The following TET2 variants were observed in gnomAD, a reference collection of about 807,000 sequenced individuals.
TET2 encodes tet methylcytosine dioxygenase 2, also known as methylcytosine dioxygenase TET2.
Under a neutral mutation model 142.9 loss-of-function variants are expected in TET2, and 299 were observed. The observed-to-expected ratio is 2.09, with a 90% CI of 1.90 to 2.30. The LOEUF is 2.30. Ranked by LOEUF, TET2 falls within the 30% of genes most tolerant of loss-of-function variation. TET2 has a pLI of 0.00. For synonymous variants in TET2, 819 were observed against 849.0 expected (o/e 0.96, Z 0.61); for missense variants, 2,418 against 2,378.0 (o/e 1.02, Z -0.35).
chr4:105,157,504 A>G (rs182599666), intron 1 of TET2, among the ~76,000 whole-genome samples: 299 of 152,268 alleles, frequency 2.0e-3, no homozygotes, highest in African/African-American at 6.9e-3. Flanking sequence ...TTAATTTTGC[A>G]GTTGTCTGCC....
chr4:105,243,738 T>TAC lies in TET2; in HGVS notation c.3764_3765dup (p.Gly1256ThrfsTer11). 1 of 1,551,226 alleles carries TAC rather than the reference T, an allele frequency of 6.4e-7. No individual in the cohort carries two copies. The highest frequency in any genetic ancestry group is 8.7e-7 in the Non-Finnish European group (1 of 1,146,790). On this transcript the variant is annotated frameshift_variant, in exon 6 of 11. Coordinates refer to ENST00000380013, the MANE Select transcript of TET2 (RefSeq NM_001127208.3). LOFTEE classifies it high-confidence loss of function. ...GGAGCTTACCGAGACGCTGAGGAAA[T>TAC]ACGGCACGCTCACCAATCGCCGGTG...
intron 2 of TET2, 56 bp from the exon 3 acceptor site, chr4:105,233,832 TTATAGATAG>T: frequency 1.4e-6 from 1 of 696,752 alleles, no homozygotes; most frequent in Non-Finnish European, 2.1e-6. Flanking sequence ...ATTAGTATTT[TTATAGATAG>T]ATAGATAGAT....
intron 1 of TET2, among the ~76,000 whole-genome samples, chr4:105,189,194 T>C (rs1432734282): frequency 6.6e-6 from 1 of 150,746 alleles, no homozygotes; most frequent in Non-Finnish European, 1.5e-5. Context: ...ATAATAATAA[T>C]GATGATAATG....
intron 2 of TET2, among the ~76,000 whole-genome samples, chr4:105,231,324 T>G (rs912828174): frequency 3.9e-5 from 6 of 152,166 alleles, no homozygotes; most frequent in Non-Finnish European, 7.4e-5. Flanking sequence ...TCTAAGAACA[T>G]ATTATAGCTT....
At position 105,150,387 on chromosome 4, in the gene TET2, G is replaced by T. The variant is rs143763236; in HGVS notation, c.-193+3408G>T. On this transcript the variant is annotated intron_variant, in intron 1 of 10. Transcript: ENST00000380013. ...TAGTCTTATCTAGCAATTTCAAATC[G>T]CTGGAAAGAGTCATCTTTGTTATAT... is the stretch of plus-strand genomic sequence containing the variant. 1.0e-3 allele frequency among the ~76,000 whole-genome samples: 158 copies of T among 152,148 alleles called. 1 individual carries two copies. Among genetic ancestry groups the T allele is most frequent in the African/African-American group, 3.4e-3 (142 of 41,504 alleles).
intron 2 of TET2, among the ~76,000 whole-genome samples, chr4:105,193,132 T>C (rs1033274221): frequency 2.6e-5 from 4 of 152,126 alleles, no homozygotes; most frequent in Admixed American, 2.6e-4. Flanking sequence ...AGAGGAGGCT[T>C]CACAAAGGAA....
chr4:105,165,918 G>C (rs955792153), intron 1 of TET2, among the ~76,000 whole-genome samples: 1 of 152,146 alleles, frequency 6.6e-6, no homozygotes, highest in Non-Finnish European at 1.5e-5. Flanking sequence ...ATACCTTTCT[G>C]AGTCTCTACT....
At chr4:105,172,448 A>C (rs1207516735) in intron 1 of TET2, 1 of 152,212 alleles carries the variant, frequency 6.6e-6, no homozygotes, top group Admixed American at 6.5e-5. Context: ...CATCATAAAG[A>C]TCTTCATCCT....
intron 1 of TET2, among the ~76,000 whole-genome samples, chr4:105,181,505 A>C (rs1725119386): frequency 6.6e-6 from 1 of 152,238 alleles, no homozygotes; most frequent in Non-Finnish European, 1.5e-5. Flanking sequence ...CAGGACAATC[A>C]ACAACAAATT....
In TET2 at chr4:105,275,589, C is replaced by A; in HGVS notation, c.5079C>A (p.Tyr1693Ter). ...ATAGCCAGAGTTTTACATCTAAATA[C>A]TTAGGTTATGGAAACCAAAATATGC... is the stretch of plus-strand genomic sequence containing the variant. ...FGNSQSFTSK[Y>*]LGYGNQNMQG... The change falls in exon 11 of 11, where the codon TAC becomes TAA. Residue 1693 changes from tyrosine (Y) to a stop codon, truncating the protein, a stop_gained. Coordinates refer to ENST00000380013, the MANE Select transcript of TET2 (RefSeq NM_001127208.3). LOFTEE classifies it low-confidence loss of function (END_TRUNC). The A allele has an allele frequency of 1.3e-6, 2 of 1,551,730 alleles. No individual in the cohort carries two copies. Among genetic ancestry groups the A allele is most frequent in the Non-Finnish European group, 1.7e-6 (2 of 1,146,986 alleles).
chr4:105,211,099 A>G (rs1468943190), intron 2 of TET2, among the ~76,000 whole-genome samples: 3 of 152,146 alleles, frequency 2.0e-5, no homozygotes, highest in Non-Finnish European at 4.4e-5. Flanking sequence ...CCTCAGCTAT[A>G]TCATGCTAAT....
chr4:105,270,432 CTGG>C (rs1312242474), intron 9 of TET2, among the ~76,000 whole-genome samples: 1 of 152,148 alleles, frequency 6.6e-6, no homozygotes, highest in Non-Finnish European at 1.5e-5. Context: ...TGCCAGTTAC[CTGG>C]TAGATTGTAA....
At chr4:105,275,019 G>A (rs1731128717) in intron 10 of TET2, 29 bp from the exon 11 acceptor site, 1 of 1,471,276 alleles carries the variant, frequency 6.8e-7, no homozygotes, top group South Asian at 1.4e-5. Context: ...AAAGATACCT[G>A]TTTCTGTTCT....
intron 2 of TET2, among the ~76,000 whole-genome samples, chr4:105,199,432 G>T (rs73836090): frequency 6.6e-6 from 1 of 152,078 alleles, no homozygotes; most frequent in East Asian, 1.9e-4. Context: ...CTAAATAAAT[G>T]TTGGAGATTT....
chr4:105,216,792 G>A (rs1395393137), intron 2 of TET2, among the ~76,000 whole-genome samples: 1 of 151,968 alleles, frequency 6.6e-6, no homozygotes, highest in Non-Finnish European at 1.5e-5. Context: ...AGCGGATTTA[G>A]TTATAATCGT....
intron 2 of TET2, among the ~76,000 whole-genome samples, chr4:105,222,682 G>A (rs1727914483): frequency 1.3e-5 from 2 of 152,084 alleles, no homozygotes; most frequent in African/African-American, 4.8e-5. Context: ...TCACTCTGAT[G>A]GTAGTTCCTT....
chr4:105,156,887 T>G (rs1723593998), intron 1 of TET2, among the ~76,000 whole-genome samples: 1 of 151,962 alleles, frequency 6.6e-6, no homozygotes, highest in African/African-American at 2.4e-5. Flanking sequence ...TTTAACCTGT[T>G]TGTTCTTTTA....
At chr4:105,195,780 A>G (rs72665929) in intron 2 of TET2, among the ~76,000 whole-genome samples, 3,995 of 152,236 alleles carry the variant, frequency 0.026, 81 homozygotes, top group Non-Finnish European at 0.041. Context: ...ATGAATACCC[A>G]TGGGGGGCTG....
rs756322110 is a variant in TET2, at chr4:105,241,390, G to T, written c.3461G>T (p.Gly1154Val). 1 of 1,550,804 alleles carries T rather than the reference G, an allele frequency of 6.4e-7. No homozygotes were observed. Residue 1154 changes from glycine to valine, a missense_variant, in exon 4 of 11, where the codon GGT (glycine) becomes GTT (valine). Physicochemically the swap from Gly to Val is moderately radical, Grantham distance 109. Coordinates refer to ENST00000380013, the MANE Select transcript of TET2 (RefSeq NM_001127208.3). Reference sequence around the variant, plus strand: ...CCTTTTTATACCCATCTAGGAGCAGGTCCTAATGTGGCAGCTATTAGAGAA... The same window carrying T: ...CCTTTTTATACCCATCTAGGAGCAGTTCCTAATGTGGCAGCTATTAGAGAA... The part of the protein sequence containing the change: ...EGPFYTHLGA[G>V]PNVAAIREIM...
Sources: allele counts gnomAD v4.1 joint callset (sites outside exome capture counted in the v4.1 genomes callset), GRCh38; gene constraint gnomAD v4.1.1; transcripts MANE v1.5; gene names NCBI Gene and HGNC (gene_info 2026-07-23, HGNC 2026-07-21).